Variants in COL19A1 observed in about 807,000 individuals in gnomAD.
COL19A1 encodes collagen type XIX alpha 1 chain.
In COL19A1, 159 loss-of-function variants were observed where a neutral mutation model predicts 190.2. That is an observed-to-expected ratio of 0.84 (90% CI 0.73 to 0.95). The LOEUF is 0.95. Among genes scored for constraint, COL19A1 ranks in the 40% least tolerant of loss-of-function variants. The pLI, the probability that COL19A1 is intolerant of heterozygous loss-of-function variation, is 0.00. For synonymous variants in COL19A1, 509 were observed against 458.9 expected, an observed-to-expected ratio of 1.11 and a Z score of -1.39; for missense variants, 1,418 against 1,431.9, an observed-to-expected ratio of 0.99 and a Z score of 0.16.
intron 4 of COL19A1, among the ~76,000 whole-genome samples, chr6:69,900,803 TA>T (rs1432021164): frequency 6.6e-6 from 1 of 152,180 alleles, no homozygotes; most frequent in Non-Finnish European, 1.5e-5. Context: ...ACATAGTAAA[TA>T]AAAAGCTGTT....
intron 16 of COL19A1, among the ~76,000 whole-genome samples, chr6:70,104,655 G>T (rs1783844104): frequency 6.6e-6 from 1 of 152,106 alleles, no homozygotes. Context: ...AAAGTTTTAG[G>T]CAAAACAGAG....
intron 15 of COL19A1, among the ~76,000 whole-genome samples, chr6:70,080,584 G>A (rs1348667854): frequency 6.6e-6 from 1 of 152,084 alleles, no homozygotes; most frequent in Non-Finnish European, 1.5e-5. Flanking sequence ...TAACTCCTTG[G>A]AAAACTTTGT....
intron 6 of COL19A1, among the ~76,000 whole-genome samples, chr6:69,931,487 C>T (rs1231943206): frequency 6.6e-6 from 1 of 151,980 alleles, no homozygotes; most frequent in Non-Finnish European, 1.5e-5. Flanking sequence ...ATGGATGGTA[C>T]ATAATAGGAT....
chr6:69,988,271 G>C (rs566888058), intron 11 of COL19A1, among the ~76,000 whole-genome samples: 1 of 152,234 alleles, frequency 6.6e-6, no homozygotes, highest in African/African-American at 2.4e-5. Flanking sequence ...ATATTCACTA[G>C]ATTTGACTAT....
At chr6:70,149,486 T>C (rs1208665079) in intron 27 of COL19A1, among the ~76,000 whole-genome samples, 1 of 152,146 alleles carries the variant, frequency 6.6e-6, no homozygotes, top group Non-Finnish European at 1.5e-5. Flanking sequence ...CCCAAGTCCC[T>C]GAGCAAAATC....
At chr6:70,068,634 G>A (rs1458584643) in intron 15 of COL19A1, among the ~76,000 whole-genome samples, 158 bp downstream of exon 15, 1 of 151,824 alleles carries the variant, frequency 6.6e-6, no homozygotes, top group East Asian at 1.9e-4. Flanking sequence ...TTTTGACAGA[G>A]GTTTTGCAAT....
At chr6:70,186,388 G>T (rs909655825) in intron 46 of COL19A1, among the ~76,000 whole-genome samples, 1 of 152,146 alleles carries the variant, frequency 6.6e-6, no homozygotes, top group Non-Finnish European at 1.5e-5. Flanking sequence ...TGGAGTGACA[G>T]ACCTGTATGC....
intron 14 of COL19A1, among the ~76,000 whole-genome samples, chr6:70,038,952 G>A (rs922694573): frequency 2.6e-4 from 40 of 152,044 alleles, no homozygotes; most frequent in African/African-American, 9.4e-4. Flanking sequence ...AGCTACTTGG[G>A]AGGCTGAGTC....
chr6:69,975,847 A>G (rs968122618), intron 11 of COL19A1, among the ~76,000 whole-genome samples: 1 of 152,190 alleles, frequency 6.6e-6, no homozygotes, highest in African/African-American at 2.4e-5. Flanking sequence ...ATGAAGGTAG[A>G]ATGAGCGTAT....
In COL19A1 at chr6:70,142,669, A is replaced by C. The variant is rs1300809743; in HGVS notation, c.1573-98A>C. The C allele has an allele frequency of 4.8e-6, 5 of 1,044,534 alleles. No homozygotes were observed. In the Admixed American group the frequency reaches 1.2e-4, roughly 25 times the overall value. The allele number at this position is 1,044,534 out of a possible 1,614,324, so 64.7% of individuals were successfully genotyped here. On this transcript the variant is annotated intron_variant, in intron 22 of 50. Coordinates refer to ENST00000620364, the MANE Select transcript of COL19A1 (RefSeq NM_001858.6). ...GATGGTGGAAAGTTGGTCTTCCTAT[A>C]CATGAAGATCACACTATTCTTTACA...
intron 14 of COL19A1, among the ~76,000 whole-genome samples, chr6:70,036,289 T>C (rs533724473): frequency 6.6e-6 from 1 of 152,320 alleles, no homozygotes; most frequent in African/African-American, 2.4e-5. Context: ...CCTACTTGCT[T>C]TAAAAACTGT....
intron 12 of COL19A1, among the ~76,000 whole-genome samples, chr6:70,033,580 G>T (rs79131319): frequency 0.014 from 2,081 of 152,152 alleles, 55 homozygotes; most frequent in African/African-American, 0.047. Context: ...TCATTGCTTA[G>T]TCAGATCAAC....
At chr6:70,079,812 A>C (rs369717307) in intron 15 of COL19A1, among the ~76,000 whole-genome samples, 1 of 152,232 alleles carries the variant, frequency 6.6e-6, no homozygotes, top group Non-Finnish European at 1.5e-5. Context: ...GAGAGATGGC[A>C]TAAGACTACA....
At chr6:70,068,620 G>A (rs1408495850) in intron 15 of COL19A1, 144 bp downstream of exon 15, 10 of 546,240 alleles carry the variant, frequency 1.8e-5, no homozygotes, top group African/African-American at 7.9e-5. Context: ...TTTGAGATTC[G>A]AGATTTTGAC....
At chr6:69,973,600 A>T (rs1313399984) in intron 11 of COL19A1, among the ~76,000 whole-genome samples, 2 of 146,668 alleles carry the variant, frequency 1.4e-5, no homozygotes, top group East Asian at 2.1e-4. Context: ...TTAATGTATA[A>T]AAAAAAGATG....
chr6:70,036,012 T>TTAAATTCTGGTTTAGTCATG, intron 14 of COL19A1, 73 bp downstream of exon 14: 1 of 1,379,518 alleles, frequency 7.2e-7, no homozygotes, highest in Non-Finnish European at 1.0e-6. Context: ...ACATCATGAC[T>TTAAATTCTGGTTTAGTCATG]AAACCAGAAT....
At chr6:70,134,226 A>T (rs947204602) in intron 18 of COL19A1, among the ~76,000 whole-genome samples, 10 of 152,172 alleles carry the variant, frequency 6.6e-5, no homozygotes, top group Non-Finnish European at 1.2e-4. Context: ...TCAAACCAAC[A>T]ACAATTTGTT....
At chr6:70,186,792 A>G (rs2150292965) in intron 46 of COL19A1, among the ~76,000 whole-genome samples, 1 of 152,314 alleles carries the variant, frequency 6.6e-6, no homozygotes, top group Non-Finnish European at 1.5e-5. Context: ...AACAGCATCA[A>G]GCAAACTTCA....
At chr6:70,030,181 T>G (rs1188037206) in intron 12 of COL19A1, among the ~76,000 whole-genome samples, 2 of 152,058 alleles carry the variant, frequency 1.3e-5, no homozygotes, top group South Asian at 4.2e-4. Context: ...CATCATCCCT[T>G]CCCCTCCTCC....
Sources: gnomAD v4.1 joint callset for allele counts (sites outside exome capture counted in the v4.1 genomes callset) on GRCh38, gnomAD v4.1.1 for gene constraint, MANE v1.5 for transcripts, NCBI Gene and HGNC (gene_info 2026-07-23, HGNC 2026-07-21) for gene names.